RASA1: variants seen among roughly 807,000 people sequenced by gnomAD.
RASA1 encodes the protein RAS p21 protein activator 1, also known as ras GTPase-activating protein 1.
A neutral mutation model predicts 132.2 loss-of-function variants in RASA1; 25 were observed. That is an observed-to-expected ratio of 0.19 (90% CI 0.14 to 0.26). The LOEUF is 0.26. Among genes scored for constraint, RASA1 ranks in the 10% least tolerant of loss-of-function variants. RASA1 has a pLI of 1.00. For synonymous variants in RASA1, 477 were observed against 449.9 expected (o/e 1.06, Z -0.76); for missense variants, 964 against 1,299.2 (o/e 0.74, Z 3.97).
chr5:87,388,409 C>T (rs1762218367), intron 23 of RASA1, among the ~76,000 whole-genome samples: 1 of 152,020 alleles, frequency 6.6e-6, no homozygotes, highest in Non-Finnish European at 1.5e-5. Context: ...GTTGAGTATC[C>T]CTAATCTGAA....
chr5:87,343,277 C>T (rs1033364743), intron 6 of RASA1, among the ~76,000 whole-genome samples: 10 of 152,178 alleles, frequency 6.6e-5, no homozygotes, highest in African/African-American at 2.4e-4. Flanking sequence ...ACCGCCTTCT[C>T]AAATCTTAAA....
At position 87,267,942 on chromosome 5, in the gene RASA1, CT is replaced by C. The variant is rs1285206091; in HGVS notation, c.-507del. ...TCGATTTCCTCGTTACCCCGCCCCC[CT>C]TTCTCTTGCCCCCCCACCCCTCTCA... On this transcript the variant is annotated 5_prime_UTR_variant, in exon 1 of 25. Coordinates refer to ENST00000274376, the MANE Select transcript of RASA1 (RefSeq NM_002890.3). 2.5e-6 allele frequency: 1 copy of C among 392,492 alleles called. No homozygotes were observed. 24.3% of individuals were successfully genotyped at this position (392,492 alleles called of 1,614,324 possible).
At chr5:87,367,126 T>C (rs1290415953) in intron 11 of RASA1, among the ~76,000 whole-genome samples, 1 of 152,104 alleles carries the variant, frequency 6.6e-6, no homozygotes, top group African/African-American at 2.4e-5. Flanking sequence ...TCCTGTGAAA[T>C]AGAGAAGCAC....
In RASA1 at chr5:87,370,766, A is replaced by T. The variant is rs546946340; in HGVS notation, c.1698+866A>T. 7.9e-5 allele frequency among the ~76,000 whole-genome samples: 12 copies of T among 152,302 alleles called. No homozygotes were observed. In the South Asian group the frequency reaches 2.5e-3, roughly 32 times the overall value. ...TGCTTATATTCTAACGAAGGAACTT[A>T]AAGGTGGTTAAGAAGTGAAAGTGGC... On this transcript the variant is annotated intron_variant, in intron 12 of 24. Transcript: ENST00000274376.
intron 1 of RASA1, among the ~76,000 whole-genome samples, chr5:87,273,408 A>G (rs1753932939): frequency 6.6e-6 from 1 of 152,122 alleles, no homozygotes; most frequent in African/African-American, 2.4e-5. Flanking sequence ...TTCGAGAGAG[A>G]AAAGGTTAAA....
chr5:87,277,580 T>C (rs1413068138), intron 1 of RASA1, among the ~76,000 whole-genome samples: 1 of 152,186 alleles, frequency 6.6e-6, no homozygotes, highest in African/African-American at 2.4e-5. Context: ...GATAGTTCAA[T>C]TTCCAGCATG....
At chr5:87,317,783 A>G (rs1480206454) in intron 1 of RASA1, among the ~76,000 whole-genome samples, 1 of 151,890 alleles carries the variant, frequency 6.6e-6, no homozygotes, top group Non-Finnish European at 1.5e-5. Context: ...TTACAGGCGC[A>G]TACCACCACA....
intron 1 of RASA1, among the ~76,000 whole-genome samples, chr5:87,315,717 T>A (rs2112318020): frequency 1.3e-5 from 2 of 152,358 alleles, no homozygotes; most frequent in South Asian, 4.1e-4. Flanking sequence ...TTATGTGCTA[T>A]TAAATAAGTA....
chr5:87,286,054 G>A lies in RASA1; in HGVS notation c.539+17064G>A, dbSNP rs7341092. On this transcript the variant is annotated intron_variant, in intron 1 of 24. Transcript: ENST00000274376. Reference sequence around the variant, plus strand: ...GTTTCGCTCTGTAGCCCAGGCTGGAGTGCAGTGGCATGATCTTGGCTCACT... The same window carrying A: ...GTTTCGCTCTGTAGCCCAGGCTGGAATGCAGTGGCATGATCTTGGCTCACT... Among the ~76,000 whole-genome samples the A allele has an allele frequency of 7.0e-3, 1,064 of 152,056 alleles. 4 individuals are homozygous for A. The highest frequency in any genetic ancestry group is 0.016 in the African/African-American group (677 of 41,458).
intron 6 of RASA1, among the ~76,000 whole-genome samples, chr5:87,345,969 A>G (rs1758830379): frequency 6.6e-6 from 1 of 152,078 alleles, no homozygotes; most frequent in Non-Finnish European, 1.5e-5. Flanking sequence ...TACTTTTTAA[A>G]TCAGATATAT....
chr5:87,312,604 G>C (rs192523860), intron 1 of RASA1, among the ~76,000 whole-genome samples: 3 of 152,274 alleles, frequency 2.0e-5, no homozygotes, highest in South Asian at 2.1e-4. Flanking sequence ...CTCTTTCTGG[G>C]CTAGAGGTTA....
chr5:87,291,302 G>A (rs1030556790), intron 1 of RASA1, among the ~76,000 whole-genome samples: 13 of 152,152 alleles, frequency 8.5e-5, no homozygotes, highest in Admixed American at 8.5e-4. Flanking sequence ...GGCTGAGGTG[G>A]GAGGATTGCT....
At position 87,358,314 on chromosome 5, in the gene RASA1, A is replaced by C. The variant is rs180984974; in HGVS notation, c.1333-4237A>C. Among the ~76,000 whole-genome samples, 245 of 152,280 alleles carry C rather than the reference A, an allele frequency of 1.6e-3. 3 individuals carry two copies. Among genetic ancestry groups the C allele is most frequent in the Admixed American group, 7.1e-3 (108 of 15,296 alleles). On this transcript the variant is annotated intron_variant, in intron 9 of 24. Transcript: ENST00000274376. The stretch of plus-strand genomic sequence containing the variant: ...CATTTTTGAGCACTATATTTTAAGC[A>C]CTGTTTTTTATACATATTCATTCAT...
chr5:87,293,460 A>G (rs1047002950), intron 1 of RASA1, among the ~76,000 whole-genome samples: 3 of 152,124 alleles, frequency 2.0e-5, no homozygotes, highest in Non-Finnish European at 1.5e-5. Context: ...CATGGTATGT[A>G]AGTACATTGT....
At chr5:87,370,657 C>G (rs962533390) in intron 12 of RASA1, among the ~76,000 whole-genome samples, 2 of 152,090 alleles carry the variant, frequency 1.3e-5, no homozygotes, top group African/African-American at 2.4e-5. Context: ...GAGACACTGT[C>G]TCTTAAAAAA....
intron 21 of RASA1, 53 bp downstream of exon 21, chr5:87,383,833 C>A: frequency 2.9e-5 from 38 of 1,331,212 alleles, no homozygotes; most frequent in Non-Finnish European, 3.5e-5. Flanking sequence ...TTAACAGTTT[C>A]ATACTATTTA....
At chr5:87,346,778 T>G (rs1222009111) in intron 7 of RASA1, 54 bp downstream of exon 7, 13 of 1,332,276 alleles carry the variant, frequency 9.8e-6, no homozygotes, top group Admixed American at 5.2e-5. Flanking sequence ...AATAAAAAAG[T>G]GAACAAACCA....
intron 1 of RASA1, among the ~76,000 whole-genome samples, chr5:87,278,630 A>G (rs759674330): frequency 2.0e-5 from 3 of 152,198 alleles, no homozygotes; most frequent in East Asian, 1.9e-4. Context: ...GCATAACTAT[A>G]GTGCAGTATC....
At chr5:87,273,137 A>G (rs1753918492) in intron 1 of RASA1, among the ~76,000 whole-genome samples, 1 of 152,190 alleles carries the variant, frequency 6.6e-6, no homozygotes, top group Non-Finnish European at 1.5e-5. Flanking sequence ...CAATATGTAG[A>G]TACACCAGTG....
Sources: allele counts gnomAD v4.1 joint callset (sites outside exome capture counted in the v4.1 genomes callset), GRCh38; gene constraint gnomAD v4.1.1; transcripts MANE v1.5; gene names NCBI Gene and HGNC (gene_info 2026-07-23, HGNC 2026-07-21).